The following ZSCAN25 variants were observed in gnomAD, a reference collection of about 807,000 sequenced individuals.
The protein encoded by ZSCAN25 is zinc finger and SCAN domain containing 25.
A neutral mutation model predicts 38.7 loss-of-function variants in ZSCAN25; 27 were observed. The observed-to-expected ratio is 0.70, with a 90% CI of 0.51 to 0.96. ZSCAN25 has a LOEUF of 0.96. ZSCAN25 is among the 40% of genes least tolerant of loss of function. The pLI, the probability that ZSCAN25 is intolerant of heterozygous loss-of-function variation, is 0.00. For missense variants in ZSCAN25, 637 were observed against 705.9 expected (o/e 0.90, Z 1.11); for synonymous variants, 273 against 277.7 (o/e 0.98, Z 0.17).
At chr7:99,688,220 G>T in the ZSCAN25 span, among the ~76,000 whole-genome samples, 1 of 152,152 alleles carries the variant, frequency 6.6e-6, no homozygotes, top group Non-Finnish European at 1.5e-5. Context: ...AAAAGACACA[G>T]ATGGGCAAAT....
the ZSCAN25 span, chr7:99,676,201 TC>T: frequency 1.2e-6 from 2 of 1,613,632 alleles, no homozygotes; most frequent in Non-Finnish European, 1.7e-6. Context: ...TGTGTACGGG[TC>T]CCATATCTAC....
At chr7:99,661,627 T>A in the ZSCAN25 span, among the ~76,000 whole-genome samples, 1 of 152,198 alleles carries the variant, frequency 6.6e-6, no homozygotes, top group Non-Finnish European at 1.5e-5. Flanking sequence ...AGCACAGAAA[T>A]AAATATGGTG....
chr7:99,661,218 C>G, the ZSCAN25 span, among the ~76,000 whole-genome samples: 3 of 152,148 alleles, frequency 2.0e-5, no homozygotes, highest in African/African-American at 7.2e-5. Context: ...TTTCATGGAC[C>G]AGCAGCACCA....
the ZSCAN25 span, among the ~76,000 whole-genome samples, chr7:99,641,272 T>A: frequency 1.3e-5 from 2 of 152,146 alleles, no homozygotes; most frequent in Non-Finnish European, 2.9e-5. Context: ...CTTCTTCATA[T>A]GGCAGCAGGA....
At chr7:99,627,871 G>A (rs942492871) in intron 7 of ZSCAN25, among the ~76,000 whole-genome samples, 4 of 151,974 alleles carry the variant, frequency 2.6e-5, no homozygotes, top group African/African-American at 7.3e-5. Flanking sequence ...AGGGTATAGT[G>A]ATGGAGGAGA....
chr7:99,707,727 G>A, the ZSCAN25 span: 5,588 of 1,571,190 alleles, frequency 3.6e-3, 173 homozygotes, highest in African/African-American at 0.065. Flanking sequence ...AAAAGATTAA[G>A]TGAGTGTATT....
At chr7:99,640,123 ACT>A in the ZSCAN25 span, among the ~76,000 whole-genome samples, 1 of 151,912 alleles carries the variant, frequency 6.6e-6, no homozygotes, top group Admixed American at 6.6e-5. Flanking sequence ...ACTAAACCAA[ACT>A]CTTCGTTTTC....
At chr7:99,696,388 A>G in the ZSCAN25 span, among the ~76,000 whole-genome samples, 3 of 152,096 alleles carry the variant, frequency 2.0e-5, no homozygotes, top group Non-Finnish European at 2.9e-5. Context: ...CTCTGACCCT[A>G]TTTTAGGATC....
the ZSCAN25 span, among the ~76,000 whole-genome samples, chr7:99,667,289 G>C: frequency 7.0e-4 from 106 of 152,310 alleles, 1 homozygote; most frequent in African/African-American, 2.3e-3. Flanking sequence ...ATCTGGTGTG[G>C]TCTCCTGCCT....
the ZSCAN25 span, among the ~76,000 whole-genome samples, chr7:99,719,275 C>A: frequency 2.0e-5 from 3 of 152,144 alleles, no homozygotes; most frequent in Non-Finnish European, 4.4e-5. Context: ...GTATTAGAGT[C>A]ACCAGTTTGT....
the ZSCAN25 span, chr7:99,652,859 AT>A: frequency 9.7e-7 from 1 of 1,033,420 alleles, no homozygotes; most frequent in Non-Finnish European, 1.4e-6. Flanking sequence ...CTATTGAAGT[AT>A]TAGAAGCTCC....
At chr7:99,621,099 G>A (rs927072990) in intron 4 of ZSCAN25, 5 of 291,074 alleles carry the variant, frequency 1.7e-5, no homozygotes, top group Non-Finnish European at 3.1e-5. Flanking sequence ...AAAATCCTCA[G>A]CAGGATAATA....
At chr7:99,647,967 G>T in the ZSCAN25 span, 1 of 985,246 alleles carries the variant, frequency 1.0e-6, no homozygotes, top group Non-Finnish European at 1.2e-6. Context: ...TTTCTTAAAA[G>T]TTATGGATCA....
the ZSCAN25 span, among the ~76,000 whole-genome samples, chr7:99,692,290 G>T: frequency 6.6e-6 from 1 of 152,188 alleles, no homozygotes; most frequent in Admixed American, 6.5e-5. Context: ...ACTTCCCTTT[G>T]TGGGGAAGCC....
At chr7:99,719,500 G>A in the ZSCAN25 span, among the ~76,000 whole-genome samples, 6 of 152,140 alleles carry the variant, frequency 3.9e-5, no homozygotes, top group Admixed American at 1.3e-4. Context: ...GTTACATTTA[G>A]TAAAGCATTA....
the ZSCAN25 span, among the ~76,000 whole-genome samples, chr7:99,704,548 C>T: frequency 3.9e-5 from 6 of 152,100 alleles, no homozygotes; most frequent in African/African-American, 1.4e-4. Flanking sequence ...GCCTTGGCCT[C>T]CCAAAGTGCT....
the ZSCAN25 span, among the ~76,000 whole-genome samples, chr7:99,696,183 G>A: frequency 6.6e-5 from 10 of 151,872 alleles, no homozygotes; most frequent in African/African-American, 2.4e-4. Flanking sequence ...TGTCTATTTA[G>A]TAAGTGGACT....
At chr7:99,679,667 C>T in the ZSCAN25 span, among the ~76,000 whole-genome samples, 3 of 152,308 alleles carry the variant, frequency 2.0e-5, no homozygotes, top group East Asian at 5.8e-4. Flanking sequence ...CATAGATCTG[C>T]ATAAGATAAT....
the ZSCAN25 span, among the ~76,000 whole-genome samples, chr7:99,680,594 G>C: frequency 6.6e-6 from 1 of 152,138 alleles, no homozygotes; most frequent in Non-Finnish European, 1.5e-5. Context: ...GTTCCTAGCA[G>C]GGTACTGTAC....
Sources: allele counts gnomAD v4.1 joint callset (sites outside exome capture counted in the v4.1 genomes callset), GRCh38; gene constraint gnomAD v4.1.1; transcripts MANE v1.5; gene names NCBI Gene and HGNC (gene_info 2026-07-23, HGNC 2026-07-21).